Variants in IGSF10 observed in about 807,000 individuals in gnomAD.
The protein encoded by IGSF10 is calvaria mechanical force protein 608.
A neutral mutation model predicts 128.2 loss-of-function variants in IGSF10; 126 were observed. The ratio of observed to expected loss-of-function variants is 0.98; its 90% CI spans 0.85 to 1.14. The LOEUF (loss-of-function observed/expected upper bound fraction) is 1.14. Among genes scored for constraint, IGSF10 ranks in the 50% most tolerant of loss-of-function variants. The pLI, the probability that IGSF10 is intolerant of heterozygous loss-of-function variation, is 0.00. For missense variants in IGSF10, 3,295 were observed against 3,149.8 expected (o/e 1.05, Z -1.10); for synonymous variants, 1,185 against 1,146.2 (o/e 1.03, Z -0.68).
At chr3:151,595,077 C>A in the IGSF10 span, among the ~76,000 whole-genome samples, 1 of 152,040 alleles carries the variant, frequency 6.6e-6, no homozygotes, top group Non-Finnish European at 1.5e-5. Flanking sequence ...ACGCCTCACA[C>A]CTGTTAGAAT....
the IGSF10 span, among the ~76,000 whole-genome samples, chr3:151,525,985 G>T: frequency 6.6e-6 from 1 of 152,114 alleles, no homozygotes; most frequent in Non-Finnish European, 1.5e-5. Context: ...ACCGGGGAGC[G>T]GGAATCTCAA....
chr3:151,551,604 GAAAT>G, the IGSF10 span, among the ~76,000 whole-genome samples: 1 of 149,476 alleles, frequency 6.7e-6, no homozygotes, highest in Non-Finnish European at 1.5e-5. Context: ...TCAAATACAA[GAAAT>G]AATTTTCAAG....
the IGSF10 span, among the ~76,000 whole-genome samples, chr3:151,606,555 CT>C: frequency 9.2e-5 from 14 of 152,146 alleles, no homozygotes; most frequent in African/African-American, 3.4e-4. Flanking sequence ...GACCAAAGGG[CT>C]GATCAGGTCC....
the IGSF10 span, among the ~76,000 whole-genome samples, chr3:151,539,784 C>A: frequency 6.6e-6 from 1 of 151,784 alleles, no homozygotes; most frequent in South Asian, 2.1e-4. Flanking sequence ...ATCTATCTAT[C>A]TATCTATCTA....
downstream of IGSF10, chr3:151,435,875 A>AATTAATT (rs1553826517): frequency 1.3e-5 from 2 of 151,806 alleles, no homozygotes; most frequent in Non-Finnish European, 2.9e-5. Context: ...TCCCATAAAG[A>AATTAATT]ATTAATGAAA....
the IGSF10 span, among the ~76,000 whole-genome samples, chr3:151,528,731 C>A: frequency 6.6e-6 from 1 of 152,012 alleles, no homozygotes; most frequent in Non-Finnish European, 1.5e-5. Flanking sequence ...GGTACCTATG[C>A]CACCAGGGCC....
Position 151,460,136 on chromosome 3 carries a change from G to C in IGSF10, c.-2+125C>G, listed in dbSNP as rs147697401. Reference sequence around the variant, plus strand: ...ATTCTCTCGTTCAGCTTAAATAAAAGTTCTGGGTATGCCCACGTTCAAATT... The same window carrying C: ...ATTCTCTCGTTCAGCTTAAATAAAACTTCTGGGTATGCCCACGTTCAAATT... On this transcript the variant is annotated intron_variant, in intron 2 of 7. Coordinates refer to ENST00000282466, the MANE Select transcript of IGSF10 (RefSeq NM_178822.5). 2.6e-3 allele frequency: 428 copies of C among 162,550 alleles called. 1 individual carries two copies. The highest frequency in any genetic ancestry group is 9.9e-3 in the African/African-American group (413 of 41,754). 10.1% of individuals were successfully genotyped at this position (162,550 alleles called of 1,614,324 possible).
chr3:151,579,038 G>A, the IGSF10 span, among the ~76,000 whole-genome samples: 1 of 152,140 alleles, frequency 6.6e-6, no homozygotes, highest in African/African-American at 2.4e-5. Context: ...CTTCTCTGAG[G>A]TTTAGACTCA....
At chr3:151,486,162 T>C in the IGSF10 span, among the ~76,000 whole-genome samples, 1 of 149,854 alleles carries the variant, frequency 6.7e-6, no homozygotes. Flanking sequence ...AAAACAGGGG[T>C]TGCAATCCTA....
chr3:151,498,661 C>G, the IGSF10 span, among the ~76,000 whole-genome samples: 1,193 of 152,186 alleles, frequency 7.8e-3, 14 homozygotes, highest in Non-Finnish European at 7.1e-3. Context: ...TAAAGTTATA[C>G]AAGTAGACAA....
At chr3:151,438,754 T>C (rs1181927049) in intron 7 of IGSF10, among the ~76,000 whole-genome samples, 157 bp from the exon 8 acceptor site, 1 of 151,856 alleles carries the variant, frequency 6.6e-6, no homozygotes, top group Non-Finnish European at 1.5e-5. Flanking sequence ...GAGAGAGATA[T>C]ATATACATTT....
At chr3:151,506,924 T>C in the IGSF10 span, among the ~76,000 whole-genome samples, 1 of 152,352 alleles carries the variant, frequency 6.6e-6, no homozygotes, top group African/African-American at 2.4e-5. Context: ...ATGTGATATT[T>C]GGTAAATAAA....
At chr3:151,450,812 C>A (rs1721474148) in intron 5 of IGSF10, among the ~76,000 whole-genome samples, 1 of 143,530 alleles carries the variant, frequency 7.0e-6, no homozygotes, top group Admixed American at 7.4e-5. Context: ...AGGAGAATCA[C>A]TTAACCCGGG....
chr3:151,456,316 A>T (rs1279658643), intron 4 of IGSF10, among the ~76,000 whole-genome samples: 1 of 152,208 alleles, frequency 6.6e-6, no homozygotes, highest in Non-Finnish European at 1.5e-5. Context: ...ACTTTATTTT[A>T]TGGCACTGTA....
chr3:151,617,685 G>C, the IGSF10 span, among the ~76,000 whole-genome samples: 1 of 151,912 alleles, frequency 6.6e-6, no homozygotes, highest in African/African-American at 2.4e-5. Context: ...TATGAGTTTT[G>C]GGGGGCCAGG....
Position 151,452,206 on chromosome 3 carries a change from T to C in IGSF10, c.715+1178A>G, listed in dbSNP as rs187214141. Among the ~76,000 whole-genome samples the C allele has an allele frequency of 7.9e-5, 12 of 152,342 alleles. No individual in the cohort carries two copies. In the East Asian group the frequency reaches 1.7e-3, roughly 22 times the overall value. On this transcript the variant is annotated intron_variant, in intron 5 of 7. Coordinates refer to ENST00000282466, the MANE Select transcript of IGSF10 (RefSeq NM_178822.5). ...TATGGGTTTAATTATTTTACACATA[T>C]AGAGTTATGAATTAACAACAGGGAC...
the IGSF10 span, among the ~76,000 whole-genome samples, chr3:151,581,176 C>T: frequency 1.3e-5 from 2 of 152,042 alleles, no homozygotes; most frequent in African/African-American, 4.8e-5. Flanking sequence ...TAGTCTGCCA[C>T]GAAATTTTTG....
chr3:151,473,418 G>A, the IGSF10 span, among the ~76,000 whole-genome samples: 13 of 152,188 alleles, frequency 8.5e-5, no homozygotes, highest in African/African-American at 2.6e-4. Flanking sequence ...TTTTTCAATC[G>A]ATAACTTGAT....
chr3:151,503,930 G>T, the IGSF10 span, among the ~76,000 whole-genome samples: 1 of 152,010 alleles, frequency 6.6e-6, no homozygotes, highest in African/African-American at 2.4e-5. Context: ...TACCAGTCTG[G>T]GTGGTGCCTG....
Sources: gnomAD v4.1 joint callset for allele counts (sites outside exome capture counted in the v4.1 genomes callset) on GRCh38, gnomAD v4.1.1 for gene constraint, MANE v1.5 for transcripts, NCBI Gene and HGNC (gene_info 2026-07-23, HGNC 2026-07-21) for gene names.